The following FYB1 variants were observed in gnomAD, a reference collection of about 807,000 sequenced individuals.
FYB1 encodes the protein FYN binding protein 1, also known as FYN-binding protein 1.
A neutral mutation model predicts 94.1 loss-of-function variants in FYB1; 41 were observed. The ratio of observed to expected loss-of-function variants is 0.44; its 90% confidence interval spans 0.34 to 0.57. The LOEUF (loss-of-function observed/expected upper bound fraction) is 0.57. Ranked by LOEUF, FYB1 falls within the 20% of genes least tolerant of loss-of-function variation. The probability of loss-of-function intolerance (pLI) is 0.02; values close to 1 mark genes in which losing one functional copy is unlikely to be tolerated. For missense variants in FYB1, 1,050 were observed against 976.8 expected (o/e 1.07, Z -1.00); for synonymous variants, 367 against 353.2 (o/e 1.04, Z -0.44).
At chr5:39,230,683 G>GTAT (rs917500220) in intron 1 of FYB1, among the ~76,000 whole-genome samples, 2 of 151,948 alleles carry the variant, frequency 1.3e-5, no homozygotes, top group African/African-American at 4.8e-5. Context: ...GTGTAAAAAT[G>GTAT]TATTATTACT....
chr5:39,168,032 T>C (rs763097834), intron 2 of FYB1, among the ~76,000 whole-genome samples: 20 of 152,220 alleles, frequency 1.3e-4, no homozygotes, highest in Non-Finnish European at 2.6e-4. Flanking sequence ...TCTTCCCTTA[T>C]TATGGATATT....
intron 18 of FYB1, 77 bp downstream of exon 18, chr5:39,108,154 A>G: frequency 7.5e-7 from 1 of 1,338,362 alleles, no homozygotes; most frequent in Non-Finnish European, 1.0e-6. Flanking sequence ...CTCTAATCCA[A>G]CAAGCTATTT....
At chr5:39,156,462 A>C (rs550638691) in intron 2 of FYB1, among the ~76,000 whole-genome samples, 1 of 152,334 alleles carries the variant, frequency 6.6e-6, no homozygotes, top group South Asian at 2.1e-4. Flanking sequence ...AGAGATGGAA[A>C]GGGACTGGTT....
At chr5:39,230,296 G>T (rs1029678454) in intron 1 of FYB1, among the ~76,000 whole-genome samples, 5 of 152,128 alleles carry the variant, frequency 3.3e-5, no homozygotes, top group African/African-American at 1.2e-4. Flanking sequence ...AGAAAGACTT[G>T]ATCAGCTATT....
At position 39,122,377 on chromosome 5, in the gene FYB1, A is replaced by G. The variant is rs1267147672; in HGVS notation, c.2097T>C (p.Asp699=). The G allele has an allele frequency of 6.3e-7, 1 of 1,580,700 alleles. No homozygotes were observed. The highest frequency in any genetic ancestry group is 8.6e-7 in the Non-Finnish European group (1 of 1,160,188). Residue 699 remains aspartate, a synonymous_variant, in exon 14 of 19, where the codon GAT becomes GAC. Transcript: ENST00000512982. ...AAACAGGGAAATCAGAGGTATCCAC[A>G]TCATCGTAAACTTCATCTCCCATGT... The part of the protein sequence containing the change: ...QLDMGDEVYD[D]VDTSDFPVSS...
At chr5:39,229,695 C>A (rs1023688672) in intron 1 of FYB1, among the ~76,000 whole-genome samples, 2 of 152,058 alleles carry the variant, frequency 1.3e-5, no homozygotes, top group African/African-American at 4.8e-5. Context: ...CATAATATTG[C>A]TAAGGTGATG....
rs533712988 is a variant in FYB1, at chr5:39,224,788, C to T, written c.-27-21801G>A. ...CTCCTATTTAATGTGTAAAAAGTGG[C>T]TTTTCTCTACTTTCCTCTCCCTAAA... On this transcript the variant is annotated intron_variant, in intron 1 of 1. Coordinates refer to the FYB1 transcript ENST00000510188. 4.0e-3 allele frequency among the ~76,000 whole-genome samples: 605 copies of T among 152,272 alleles called. 1 individual carries two copies. Among genetic ancestry groups the T allele is most frequent in the Non-Finnish European group, 6.0e-3 (411 of 68,022 alleles).
chr5:39,184,299 A>G (rs1746542843), intron 2 of FYB1, among the ~76,000 whole-genome samples: 1 of 152,216 alleles, frequency 6.6e-6, no homozygotes, highest in South Asian at 2.1e-4. Flanking sequence ...ACAATATCTT[A>G]AGACAATAAA....
intron 4 of FYB1, 33 bp downstream of exon 4, chr5:39,141,062 A>G: frequency 6.8e-7 from 1 of 1,469,642 alleles, no homozygotes; most frequent in Non-Finnish European, 9.3e-7. Flanking sequence ...TGAGTTTACA[A>G]ATAAATAAAT....
chr5:39,111,239 T>C (rs1739049596), intron 16 of FYB1, among the ~76,000 whole-genome samples: 1 of 151,962 alleles, frequency 6.6e-6, no homozygotes, highest in Admixed American at 6.6e-5. Flanking sequence ...AGTTTTGTGT[T>C]AGTGCCTAAA....
rs935498754 is a variant in FYB1, at chr5:39,219,464, G to A, written c.-49C>T. 14 of 985,408 alleles carry A rather than the reference G, an allele frequency of 1.4e-5. No homozygotes were observed. In the East Asian group the frequency reaches 4.5e-4, roughly 32 times the overall value. The allele number at this position is 985,408 out of a possible 1,614,324, so 61.0% of individuals were successfully genotyped here. ...TTACCTGACTCCTGCAGAAGAAGGCGGAAGGATGGCCTCCTTTAGTGGATC... is the reference window on the plus strand; with the variant it reads ...TTACCTGACTCCTGCAGAAGAAGGCAGAAGGATGGCCTCCTTTAGTGGATC... On this transcript the variant is annotated 5_prime_UTR_variant, in exon 1 of 19. Coordinates refer to ENST00000512982, the MANE Select transcript of FYB1 (RefSeq NM_001465.6).
At chr5:39,215,806 A>G (rs1749818689) in intron 1 of FYB1, among the ~76,000 whole-genome samples, 1 of 152,202 alleles carries the variant, frequency 6.6e-6, no homozygotes, top group Non-Finnish European at 1.5e-5. Context: ...TATATGCCAA[A>G]AAGATACGCC....
chr5:39,263,448 T>A (rs1485479485), intron 1 of FYB1, among the ~76,000 whole-genome samples: 1 of 151,968 alleles, frequency 6.6e-6, no homozygotes, highest in Non-Finnish European at 1.5e-5. Flanking sequence ...AAGGAGAGGA[T>A]ATGAATAGGC....
chr5:39,232,075 A>G (rs1274699170), intron 1 of FYB1, among the ~76,000 whole-genome samples: 1 of 152,130 alleles, frequency 6.6e-6, no homozygotes, highest in Non-Finnish European at 1.5e-5. Flanking sequence ...TCAATGTAGA[A>G]CAATGAACAA....
At position 39,242,906 on chromosome 5, in the gene FYB1, T is replaced by G. The variant is rs573428278; in HGVS notation, c.-28+31497A>C. On this transcript the variant is annotated intron_variant, in intron 1 of 1. Transcript: ENST00000510188. ...TGATGGCCAGTGATGCTGAGCATTT[T>G]TTCATGTGTCTGTTGGCTGCATAAA... is the stretch of plus-strand genomic sequence containing the variant. Among the ~76,000 whole-genome samples the G allele has an allele frequency of 8.3e-4, 126 of 152,322 alleles. 1 individual carries two copies. Among genetic ancestry groups the G allele is most frequent in the Non-Finnish European group, 1.5e-3 (99 of 68,030 alleles).
rs150789086 is a variant in FYB1, at chr5:39,187,021, T to C, written c.1135+14805A>G. Among the ~76,000 whole-genome samples the C allele has an allele frequency of 1.3e-3, 202 of 151,944 alleles. 1 individual carries two copies. Among genetic ancestry groups the C allele is most frequent in the African/African-American group, 4.6e-3 (191 of 41,458 alleles). ...CAAAGCAACTGCTCTTAACTCATGA[T>C]AAAAAAAATGATTGTGAAAACTCCT... On this transcript the variant is annotated intron_variant, in intron 2 of 18. Coordinates refer to ENST00000512982, the MANE Select transcript of FYB1 (RefSeq NM_001465.6).
At chr5:39,185,071 G>A (rs1302475756) in intron 2 of FYB1, among the ~76,000 whole-genome samples, 3 of 151,936 alleles carry the variant, frequency 2.0e-5, no homozygotes, top group Non-Finnish European at 2.9e-5. Context: ...CTTTAATTTT[G>A]GAATCTAAGT....
At chr5:39,265,911 C>T (rs1222243896) in intron 1 of FYB1, among the ~76,000 whole-genome samples, 4 of 151,808 alleles carry the variant, frequency 2.6e-5, no homozygotes, top group African/African-American at 7.3e-5. Context: ...TTCAGGAGCT[C>T]CCATGTAGCT....
rs148806386 is a variant in FYB1 at position 39,122,945 on chromosome 5, T to G, written c.2072-543A>C. Among the ~76,000 whole-genome samples, 914 of 152,288 alleles carry G rather than the reference T, an allele frequency of 6.0e-3. 6 individuals carry two copies. The highest frequency in any genetic ancestry group is 0.018 in the South Asian group (88 of 4,824). ...CCTTTAAATGGAAAGATTATTTCTTTTAATTAAATACTTCTGTTACCAACA... is the reference window on the plus strand; with the variant it reads ...CCTTTAAATGGAAAGATTATTTCTTGTAATTAAATACTTCTGTTACCAACA... On this transcript the variant is annotated intron_variant, in intron 13 of 18. Coordinates refer to ENST00000512982, the MANE Select transcript of FYB1 (RefSeq NM_001465.6).
Sources: allele counts gnomAD v4.1 joint callset (sites outside exome capture counted in the v4.1 genomes callset), GRCh38; gene constraint gnomAD v4.1.1; transcripts MANE v1.5; gene names NCBI Gene and HGNC (gene_info 2026-07-23, HGNC 2026-07-21).